ITM2B: variants seen among roughly 807,000 people sequenced by gnomAD.
ITM2B encodes the protein ABri/ADan amyloid peptide.
A neutral mutation model predicts 27.8 loss-of-function variants in ITM2B; 11 were observed. The observed-to-expected ratio is 0.40, with a 90% CI of 0.25 to 0.66. The LOEUF (loss-of-function observed/expected upper bound fraction) is 0.66. Ranked by LOEUF, ITM2B falls within the 30% of genes least tolerant of loss-of-function variation. ITM2B has a pLI of 0.43. For missense variants in ITM2B, 296 were observed against 328.9 expected, an observed-to-expected ratio of 0.90 and a Z score of 0.77; for synonymous variants, 114 against 114.3, an observed-to-expected ratio of 1.00 and a Z score of 0.02.
chr13:48,239,200 G>A (rs1436483472), intron 1 of ITM2B, among the ~76,000 whole-genome samples: 1 of 151,960 alleles, frequency 6.6e-6, no homozygotes, highest in African/African-American at 2.4e-5. Flanking sequence ...CTTTAATACT[G>A]GGACATAAAA....
At chr13:48,251,909 G>A (rs1951758206) in intron 1 of ITM2B, among the ~76,000 whole-genome samples, 1 of 152,146 alleles carries the variant, frequency 6.6e-6, no homozygotes, top group Non-Finnish European at 1.5e-5. Flanking sequence ...ATGACTCCAT[G>A]GAATTCTTGT....
intron 1 of ITM2B, among the ~76,000 whole-genome samples, chr13:48,242,086 A>T (rs1359250023): frequency 3.3e-5 from 5 of 152,176 alleles, no homozygotes; most frequent in Non-Finnish European, 7.4e-5. Context: ...CTTTTTCTGA[A>T]TATTTACACA....
chr13:48,244,509 T>C (rs1951715155), intron 1 of ITM2B, among the ~76,000 whole-genome samples: 2 of 152,256 alleles, frequency 1.3e-5, no homozygotes, highest in Admixed American at 6.5e-5. Context: ...GTTTAACATT[T>C]AGAATTCCAA....
At position 48,233,374 on chromosome 13, in the gene ITM2B, C is replaced by G; in HGVS notation, c.14C>G (p.Thr5Arg). 6.4e-7 allele frequency: 1 copy of G among 1,561,504 alleles called. No homozygotes were observed. The highest frequency in any genetic ancestry group is 8.6e-7 in the Non-Finnish European group (1 of 1,156,148). The change falls in exon 1 of 6, where the codon ACG becomes AGG. Residue 5 changes from threonine to arginine, a missense_variant. Coordinates refer to ENST00000647800, the MANE Select transcript of ITM2B (RefSeq NM_021999.5). The stretch of plus-strand genomic sequence containing the variant: ...CCAGGCCGCGCCATGGTGAAGGTGA[C>G]GTTCAACTCCGCTCTGGCCCAGAAG... Reference protein sequence around the residue: MVKVTFNSALAQKEA... With the variant: MVKVRFNSALAQKEA...
intron 1 of ITM2B, among the ~76,000 whole-genome samples, chr13:48,241,317 T>C (rs1188548174): frequency 6.6e-6 from 1 of 152,192 alleles, no homozygotes; most frequent in African/African-American, 2.4e-5. Flanking sequence ...GTTCAAGTGA[T>C]TCTCCTGCCT....
chr13:48,242,746 T>TC (rs1951706579), intron 1 of ITM2B, among the ~76,000 whole-genome samples: 1 of 152,290 alleles, frequency 6.6e-6, no homozygotes. Flanking sequence ...TGACTTTTTT[T>TC]CCCCCTTTGG....
intron 1 of ITM2B, among the ~76,000 whole-genome samples, chr13:48,233,918 T>C (rs1170926613): frequency 6.6e-6 from 1 of 152,176 alleles, no homozygotes; most frequent in Non-Finnish European, 1.5e-5. Flanking sequence ...TGTTTCCCAC[T>C]TTCGTTTCTA....
rs767256113 is a variant in ITM2B, at chr13:48,262,767, G to C, written c.*1543G>C. ...CAAACAACTCATTACAATACATTGGGATCAGTAGTGTGAGGGAGAAAAACA... is the reference window on the plus strand; with the variant it reads ...CAAACAACTCATTACAATACATTGGCATCAGTAGTGTGAGGGAGAAAAACA... On this transcript the variant is annotated 3_prime_UTR_variant, in exon 6 of 6. Coordinates refer to ENST00000647800, the MANE Select transcript of ITM2B (RefSeq NM_021999.5). 6.6e-5 allele frequency: 10 copies of C among 152,172 alleles called. No individual in the cohort carries two copies. Among genetic ancestry groups the C allele is most frequent in the Non-Finnish European group, 1.5e-4 (10 of 68,024 alleles). The allele number at this position is 152,172 out of a possible 1,614,324, so 9.4% of individuals were successfully genotyped here. A position where few individuals can be genotyped will look rare whatever the true frequency, so the allele number is the denominator to read the frequency against.
In ITM2B at chr13:48,265,104, T is replaced by C. The variant is rs1419617290; in HGVS notation, c.*3880T>C. On this transcript the variant is annotated 3_prime_UTR_variant, in exon 6 of 6. Coordinates refer to ENST00000647800, the MANE Select transcript of ITM2B (RefSeq NM_021999.5). ...CTTCCTCCCACTTAAAATAATTTGA[T>C]GGGACTTCTGTATCTGATTTTTAAG... 6.6e-6 allele frequency: 1 copy of C among 152,210 alleles called. No individual in the cohort carries two copies. Among genetic ancestry groups the C allele is most frequent in the Non-Finnish European group, 1.5e-5 (1 of 68,040 alleles). 9.4% of individuals were successfully genotyped at this position (152,210 alleles called of 1,614,324 possible). A position where few individuals can be genotyped will look rare whatever the true frequency, so the allele number is the denominator to read the frequency against.
At chr13:48,240,326 T>C (rs7981049) in intron 1 of ITM2B, among the ~76,000 whole-genome samples, 1 of 152,064 alleles carries the variant, frequency 6.6e-6, no homozygotes, top group South Asian at 2.1e-4. Flanking sequence ...CTGCCTCAGC[T>C]TCCCAAGTAG....
Position 48,267,816 on chromosome 13 carries a change from T to A in ITM2B, c.*6592T>A, listed in dbSNP as rs1212166400. 1 of 152,238 alleles carries A rather than the reference T, an allele frequency of 6.6e-6. No individual in the cohort carries two copies. Among genetic ancestry groups the A allele is most frequent in the East Asian group, 1.9e-4 (1 of 5,206 alleles). The allele number at this position is 152,238 out of a possible 1,614,324, so 9.4% of individuals were successfully genotyped here. On this transcript the variant is annotated 3_prime_UTR_variant, in exon 6 of 6. Coordinates refer to ENST00000647800, the MANE Select transcript of ITM2B (RefSeq NM_021999.5). ...GGAAACTCAGAGCCAAACTCGGTGC[T>A]TAGATTAATTACTTTCAGCCTAGGT...
At chr13:48,235,315 G>A (rs530076377) in intron 1 of ITM2B, among the ~76,000 whole-genome samples, 1 of 152,268 alleles carries the variant, frequency 6.6e-6, no homozygotes, top group South Asian at 2.1e-4. Flanking sequence ...GTAATCATTG[G>A]TAGCTCCGTG....
At chr13:48,259,173 A>T (rs1221421478) in intron 5 of ITM2B, among the ~76,000 whole-genome samples, 1 of 152,194 alleles carries the variant, frequency 6.6e-6, no homozygotes, top group Admixed American at 6.5e-5. Flanking sequence ...TTGCCTTGAG[A>T]TGATGGTACC....
At chr13:48,260,335 G>T (rs1322383215) in intron 5 of ITM2B, among the ~76,000 whole-genome samples, 2 of 152,194 alleles carry the variant, frequency 1.3e-5, no homozygotes, top group Non-Finnish European at 2.9e-5. Flanking sequence ...ATAGCAGCAT[G>T]ATTTATAATC....
In ITM2B at chr13:48,233,343, G is replaced by A. The variant is rs1350432596; in HGVS notation, c.-18G>A. On this transcript the variant is annotated 5_prime_UTR_variant, in exon 1 of 6. Transcript: ENST00000647800. ...CCCGAGCCCGCCGCCGCCCTTCGAG[G>A]GCGCCCCAGGCCGCGCCATGGTGAA... 6 of 1,516,996 alleles carry A rather than the reference G, an allele frequency of 4.0e-6. No homozygotes were observed. The highest frequency in any genetic ancestry group is 4.4e-6 in the Non-Finnish European group (5 of 1,125,636). 94.0% of individuals were successfully genotyped at this position (1,516,996 alleles called of 1,614,324 possible). A position where few individuals can be genotyped will look rare whatever the true frequency, so the allele number is the denominator to read the frequency against.
At chr13:48,240,238 C>G (rs1342130941) in intron 1 of ITM2B, among the ~76,000 whole-genome samples, 2 of 152,116 alleles carry the variant, frequency 1.3e-5, no homozygotes, top group Non-Finnish European at 2.9e-5. Flanking sequence ...AACAGTCTTG[C>G]CCTGTCACCC....
At chr13:48,256,480 G>C in intron 3 of ITM2B, 97 bp downstream of exon 3, 1 of 1,003,034 alleles carries the variant, frequency 1.0e-6, no homozygotes, top group Non-Finnish European at 1.5e-6. Flanking sequence ...ATTATATTTA[G>C]AGTTTAGTTT....
In ITM2B at chr13:48,244,465, G is replaced by A. The variant is rs1182313386; in HGVS notation, c.118-9343G>A. ...CACATGTAGAGAGACAAGTATTCCT[G>A]ATCTTTAGAACTATTTTTTCTAGTA... On this transcript the variant is annotated intron_variant, in intron 1 of 5. Coordinates refer to ENST00000647800, the MANE Select transcript of ITM2B (RefSeq NM_021999.5). Among the ~76,000 whole-genome samples, 3 of 152,142 alleles carry A rather than the reference G, an allele frequency of 2.0e-5. No individual in the cohort carries two copies. In the East Asian group the frequency reaches 5.8e-4, roughly 29 times the overall value.
rs1451382036 is a variant in ITM2B, at chr13:48,266,463, C to G, written c.*5239C>G. The stretch of plus-strand genomic sequence containing the variant: ...CTTCATCACCTGTCTTCATGAAGTC[C>G]TCCTCTAGACTATTAGCAAAATGCT... On this transcript the variant is annotated 3_prime_UTR_variant, in exon 6 of 6. Transcript: ENST00000647800. The G allele has an allele frequency of 6.6e-6, 1 of 152,114 alleles. No homozygotes were observed. Among genetic ancestry groups the G allele is most frequent in the Non-Finnish European group, 1.5e-5 (1 of 68,030 alleles). 9.4% of individuals were successfully genotyped at this position (152,114 alleles called of 1,614,324 possible).
Sources: allele counts gnomAD v4.1 joint callset (sites outside exome capture counted in the v4.1 genomes callset), GRCh38; gene constraint gnomAD v4.1.1; transcripts MANE v1.5; gene names NCBI Gene and HGNC (gene_info 2026-07-23, HGNC 2026-07-21).